Variants in ZC3H12B observed in about 807,000 individuals in gnomAD.
ZC3H12B encodes the protein zinc finger CCCH-type containing 12B.
In ZC3H12B, 7 loss-of-function variants were observed where a neutral mutation model predicts 43.9. That is an observed-to-expected ratio of 0.16 (90% CI 0.09 to 0.30). The LOEUF is 0.30. Among genes scored for constraint, ZC3H12B ranks in the 10% least tolerant of loss-of-function variants. ZC3H12B has a pLI of 1.00. For synonymous variants in ZC3H12B, 222 were observed against 241.7 expected (o/e 0.92, Z 0.76); for missense variants, 475 against 670.2 (o/e 0.71, Z 3.22).
intron 3 of ZC3H12B, 77 bp from the exon 9 acceptor site, chrX:65,499,806 G>A: frequency 2.5e-6 from 2 of 804,684 alleles, no homozygotes; most frequent in South Asian, 4.5e-5. Flanking sequence ...CAGGCAAGAG[G>A]TAATGAAAAT....
chrX:65,124,134 G>A, the ZC3H12B span, among the ~76,000 whole-genome samples: 2 of 111,132 alleles, frequency 1.8e-5, no homozygotes, highest in Non-Finnish European at 3.8e-5. Flanking sequence ...GTTTGTCATA[G>A]ATGGCTTTTA....
chrX:65,247,102 A>C, the ZC3H12B span, among the ~76,000 whole-genome samples: 2 of 105,033 alleles, frequency 1.9e-5, no homozygotes, highest in African/African-American at 8.4e-5. Flanking sequence ...ACCAACAGAC[A>C]CTTCAATACA....
the ZC3H12B span, among the ~76,000 whole-genome samples, chrX:65,066,747 C>T: frequency 8.9e-6 from 1 of 111,969 alleles, no homozygotes; most frequent in Non-Finnish European, 1.9e-5. Context: ...CCACTTGCTC[C>T]TTCCCTCATG....
the ZC3H12B span, among the ~76,000 whole-genome samples, chrX:65,224,653 A>T: frequency 8.9e-6 from 1 of 111,774 alleles, no homozygotes; most frequent in Non-Finnish European, 1.9e-5. Flanking sequence ...CACCTGGAAA[A>T]TCGGGTCACT....
chrX:65,445,858 C>A (rs1020789107), intron 3 of ZC3H12B, among the ~76,000 whole-genome samples: 2 of 111,890 alleles, frequency 1.8e-5, no homozygotes, highest in African/African-American at 3.3e-5. Context: ...AAGCTCATAC[C>A]CAAGTTGCAA....
the ZC3H12B span, among the ~76,000 whole-genome samples, chrX:65,219,809 T>TAC: frequency 0.23 from 17,839 of 76,412 alleles, 1,496 homozygotes; most frequent in African/African-American, 0.25. Context: ...TACACACACA[T>TAC]ACACACACAC....
chrX:65,502,834 C>T, exon 5 of ZC3H12B: 3 of 1,210,609 alleles, frequency 2.5e-6, no homozygotes, highest in Non-Finnish European at 3.4e-6. Flanking sequence ...TCTATGAGAG[C>T]AACCCCGTGA....
the ZC3H12B span, among the ~76,000 whole-genome samples, chrX:65,355,842 C>G: frequency 2.7e-5 from 3 of 111,053 alleles, no homozygotes; most frequent in Non-Finnish European, 3.8e-5. Flanking sequence ...GTAATCCCAG[C>G]TACTTGGGAG....
At chrX:65,370,028 C>A (rs1042165184) in intron 2 of ZC3H12B, among the ~76,000 whole-genome samples, 2 of 111,284 alleles carry the variant, frequency 1.8e-5, no homozygotes, top group Non-Finnish European at 3.8e-5. Flanking sequence ...GAGAGGATCA[C>A]TTGAGCTCAG....
At chrX:65,148,392 G>A in the ZC3H12B span, among the ~76,000 whole-genome samples, 1 of 112,056 alleles carries the variant, frequency 8.9e-6, no homozygotes, top group Admixed American at 9.4e-5. Flanking sequence ...GATCAGCCTA[G>A]TACTGCTGGT....
At chrX:65,325,074 A>G in the ZC3H12B span, among the ~76,000 whole-genome samples, 1 of 111,085 alleles carries the variant, frequency 9.0e-6, no homozygotes, top group African/African-American at 3.3e-5. Context: ...GTTTATACAT[A>G]AAGTTTATTT....
At chrX:65,375,172 T>A (rs1232226708) in intron 2 of ZC3H12B, among the ~76,000 whole-genome samples, 1 of 111,390 alleles carries the variant, frequency 9.0e-6, no homozygotes, top group Non-Finnish European at 1.9e-5. Flanking sequence ...ATTTTCACAG[T>A]GAGATTTGAG....
the ZC3H12B span, among the ~76,000 whole-genome samples, chrX:65,220,096 C>A: frequency 1.3e-4 from 15 of 111,322 alleles, no homozygotes; most frequent in East Asian, 4.2e-3. Flanking sequence ...ATTTTGTATC[C>A]AGCAAAACTA....
the ZC3H12B span, among the ~76,000 whole-genome samples, chrX:65,307,120 A>T: frequency 6.1e-4 from 69 of 112,410 alleles, no homozygotes; most frequent in Middle Eastern, 4.3e-3. Flanking sequence ...CATATGTGAA[A>T]ACTTATAAAA....
the ZC3H12B span, among the ~76,000 whole-genome samples, chrX:65,213,270 C>CT: frequency 1.8e-5 from 2 of 110,593 alleles, no homozygotes; most frequent in Non-Finnish European, 3.8e-5. Context: ...TTTTTATACT[C>CT]TATCTACCAC....
the ZC3H12B span, among the ~76,000 whole-genome samples, chrX:65,214,876 A>C: frequency 1.8e-5 from 2 of 111,625 alleles, no homozygotes; most frequent in Admixed American, 1.9e-4. Flanking sequence ...AAAGTTAAAA[A>C]TACTTCTTGA....
At chrX:65,214,844 A>G in the ZC3H12B span, among the ~76,000 whole-genome samples, 1 of 111,509 alleles carries the variant, frequency 9.0e-6, no homozygotes, top group South Asian at 3.8e-4. Flanking sequence ...TGCAAAATAT[A>G]TATCTTAAAT....
chrX:65,151,046 T>A, the ZC3H12B span, among the ~76,000 whole-genome samples: 123 of 112,453 alleles, frequency 1.1e-3, 1 homozygote, highest in East Asian at 0.024. Flanking sequence ...TGAATGTTTT[T>A]TGACATCAAA....
chrX:65,132,772 A>T, the ZC3H12B span, among the ~76,000 whole-genome samples: 1 of 111,283 alleles, frequency 9.0e-6, no homozygotes, highest in Non-Finnish European at 1.9e-5. Flanking sequence ...CCTTGAAAAG[A>T]AGGTAATGTG....
Sources: gnomAD v4.1 joint callset for allele counts (sites outside exome capture counted in the v4.1 genomes callset) on GRCh38, gnomAD v4.1.1 for gene constraint, MANE v1.5 for transcripts, NCBI Gene and HGNC (gene_info 2026-07-23, HGNC 2026-07-21) for gene names.